The following MTA3 variants were observed in gnomAD, a reference collection of about 807,000 sequenced individuals.
MTA3 encodes metastasis-associated protein MTA3.
A neutral mutation model predicts 83.5 loss-of-function variants in MTA3; 34 were observed. That is an observed-to-expected ratio of 0.41 (90% confidence interval 0.31 to 0.54). The LOEUF (loss-of-function observed/expected upper bound fraction) is 0.54. Ranked by LOEUF, MTA3 falls within the 20% of genes least tolerant of loss-of-function variation. The probability of loss-of-function intolerance (pLI) is 0.33; values close to 1 mark genes in which losing one functional copy is unlikely to be tolerated. For synonymous variants in MTA3, 303 were observed against 252.7 expected, an observed-to-expected ratio of 1.20 and a Z score of -1.89; for missense variants, 761 against 726.4, an observed-to-expected ratio of 1.05 and a Z score of -0.55.
chr2:42,541,263 T>C (rs557998416), intron 2 of MTA3, among the ~76,000 whole-genome samples: 1 of 152,320 alleles, frequency 6.6e-6, no homozygotes, highest in African/African-American at 2.4e-5. Context: ...ACTCCCGACC[T>C]CAGGTGATCC....
At chr2:42,548,308 T>C (rs1189241459) in intron 2 of MTA3, among the ~76,000 whole-genome samples, 1 of 151,328 alleles carries the variant, frequency 6.6e-6, no homozygotes, top group Non-Finnish European at 1.5e-5. Context: ...CTACAAAAAA[T>C]ACAAAAAATT....
intron 2 of MTA3, among the ~76,000 whole-genome samples, chr2:42,519,331 C>A (rs1195842098): frequency 6.6e-6 from 1 of 152,106 alleles, no homozygotes; most frequent in Non-Finnish European, 1.5e-5. Flanking sequence ...AAGAGCCAGG[C>A]GCAGTGGCTC....
upstream of MTA3, among the ~76,000 whole-genome samples, chr2:42,564,122 A>T (rs1343619455): frequency 6.6e-6 from 1 of 152,044 alleles, no homozygotes; most frequent in Non-Finnish European, 1.5e-5. Flanking sequence ...TGCCTGGCCA[A>T]CCATTTCTTA....
chr2:42,560,527 G>A (rs1006031775), intron 2 of MTA3, among the ~76,000 whole-genome samples: 1 of 151,152 alleles, frequency 6.6e-6, no homozygotes, highest in African/African-American at 2.4e-5. Context: ...ACTCCAGCCT[G>A]GGCAACAGAG....
intron 2 of MTA3, among the ~76,000 whole-genome samples, chr2:42,501,971 C>A (rs757409759): frequency 6.6e-6 from 1 of 152,032 alleles, no homozygotes; most frequent in Non-Finnish European, 1.5e-5. Flanking sequence ...GAGTGAGACT[C>A]TATCTATCTC....
intron 3 of MTA3, among the ~76,000 whole-genome samples, chr2:42,591,903 C>T (rs1479059530): frequency 6.6e-6 from 1 of 152,156 alleles, no homozygotes; most frequent in Non-Finnish European, 1.5e-5. Flanking sequence ...CCCACCTTGA[C>T]CTCCCAAAGT....
At chr2:42,696,631 T>A (rs1185670898) in intron 10 of MTA3, among the ~76,000 whole-genome samples, 1 of 152,132 alleles carries the variant, frequency 6.6e-6, no homozygotes, top group East Asian at 1.9e-4. Flanking sequence ...GTGAGCTGGG[T>A]ATGGTGGTGT....
In MTA3 at chr2:42,552,778, C is replaced by T. The variant is rs570052401; in HGVS notation, c.-140-17659C>T. Reference sequence around the variant, plus strand: ...CATCCTGGCCAACATGGTGAAGCCCCGTCTCTACTAAAAATACAAAAATTA... The same window carrying T: ...CATCCTGGCCAACATGGTGAAGCCCTGTCTCTACTAAAAATACAAAAATTA... On this transcript the variant is annotated intron_variant, in intron 2 of 17. Coordinates refer to the MTA3 transcript ENST00000405592. Among the ~76,000 whole-genome samples, 13 of 151,640 alleles carry T rather than the reference C, an allele frequency of 8.6e-5. No individual in the cohort carries two copies. The East Asian group carries it at 2.6e-3, about 30-fold the overall frequency.
intron 2 of MTA3, among the ~76,000 whole-genome samples, chr2:42,558,854 CT>C (rs1373692431): frequency 8.4e-4 from 123 of 145,796 alleles, no homozygotes; most frequent in Admixed American, 9.6e-4. Context: ...CGTGCCCGGC[CT>C]TTTTTTTTTT....
At chr2:42,651,550 A>T (rs1688718298) in intron 6 of MTA3, among the ~76,000 whole-genome samples, 2 of 150,872 alleles carry the variant, frequency 1.3e-5, no homozygotes, top group South Asian at 4.2e-4. Context: ...AGTGCTTAGG[A>T]ATTGGAAGGC....
In MTA3 at chr2:42,754,316, A is replaced by G. The variant is rs1339126540; in HGVS notation, c.*917A>G. On this transcript the variant is annotated 3_prime_UTR_variant, in exon 17 of 17. Transcript: ENST00000405094. Reference sequence around the variant, plus strand: ...AGCAGACAGACTCTGTTTGGCCTAGAGGTGTGGAGTGAGAGAACTGTGTTT... The same window carrying G: ...AGCAGACAGACTCTGTTTGGCCTAGGGGTGTGGAGTGAGAGAACTGTGTTT... 8 of 985,306 alleles carry G rather than the reference A, an allele frequency of 8.1e-6. No homozygotes were observed. Among genetic ancestry groups the G allele is most frequent in the African/African-American group, 7.0e-5 (4 of 57,220 alleles). The allele number at this position is 985,306 out of a possible 1,614,324, so 61.0% of individuals were successfully genotyped here. A position where few individuals can be genotyped will look rare whatever the true frequency, so the allele number is the denominator to read the frequency against.
At chr2:42,684,355 C>G (rs189401425) in intron 9 of MTA3, among the ~76,000 whole-genome samples, 8 of 152,304 alleles carry the variant, frequency 5.3e-5, no homozygotes, top group Admixed American at 3.9e-4. Context: ...AAAGTTATTA[C>G]TTACCAATAT....
intron 4 of MTA3, among the ~76,000 whole-genome samples, chr2:42,610,672 T>C (rs1573258286): frequency 6.6e-6 from 1 of 152,128 alleles, no homozygotes. Flanking sequence ...TATTACAAAA[T>C]GTTTGAGCTC....
At chr2:42,579,042 T>A in intron 2 of MTA3, 65 bp from the exon 3 acceptor site, 1 of 1,084,024 alleles carries the variant, frequency 9.2e-7, no homozygotes, top group South Asian at 1.5e-5. Flanking sequence ...GTATCTAGTT[T>A]CGTTGTATAA....
chr2:42,570,532 T>G, intron 2 of MTA3, 28 bp downstream of exon 2: 1 of 1,270,316 alleles, frequency 7.9e-7, no homozygotes, highest in South Asian at 1.7e-5. Context: ...TTAATTTTAA[T>G]ATTAAAAATA....
intron 2 of MTA3, among the ~76,000 whole-genome samples, chr2:42,500,777 G>A (rs886159041): frequency 6.7e-6 from 1 of 149,534 alleles, no homozygotes; most frequent in African/African-American, 2.5e-5. Context: ...AAATCAAAGG[G>A]TTGTTAGTAT....
chr2:42,581,445 C>T (rs1484938512), intron 3 of MTA3, among the ~76,000 whole-genome samples: 1 of 147,104 alleles, frequency 6.8e-6, no homozygotes, highest in Non-Finnish European at 1.5e-5. Context: ...TCATAGCTCA[C>T]TGCAGCCTTG....
At chr2:42,495,181 A>G (rs1674076776) in exon 2 of MTA3, 1 of 152,620 alleles carries the variant, frequency 6.6e-6, no homozygotes, top group African/African-American at 2.4e-5. Flanking sequence ...GGTGCCCGCT[A>G]GAGGTCGCCA....
intron 2 of MTA3, among the ~76,000 whole-genome samples, chr2:42,527,068 A>G (rs1016780474): frequency 6.6e-6 from 1 of 150,876 alleles, no homozygotes; most frequent in Non-Finnish European, 1.5e-5. Context: ...AAAAAAAAAA[A>G]AAAAAAAAAG....
Sources: allele counts gnomAD v4.1 joint callset (sites outside exome capture counted in the v4.1 genomes callset), GRCh38; gene constraint gnomAD v4.1.1; transcripts MANE v1.5; gene names NCBI Gene and HGNC (gene_info 2026-07-23, HGNC 2026-07-21).